TTL: variants seen among roughly 807,000 people sequenced by gnomAD.
TTL encodes tubulin tyrosine ligase.
A neutral mutation model predicts 41.1 loss-of-function variants in TTL; 10 were observed. The observed-to-expected ratio is 0.24, with a 90% CI of 0.15 to 0.41. TTL has a LOEUF of 0.41. Ranked by LOEUF, TTL falls within the 10% of genes least tolerant of loss-of-function variation. The probability of loss-of-function intolerance (pLI) is 1.00; values close to 1 mark genes in which losing one functional copy is unlikely to be tolerated. For synonymous variants in TTL, 175 were observed against 175.5 expected (o/e 1.00, Z 0.02); for missense variants, 367 against 460.4 (o/e 0.80, Z 1.86).
chr2:112,520,527 G>T, intron 6 of TTL, 102 bp downstream of exon 6: 1 of 1,485,314 alleles, frequency 6.7e-7, no homozygotes, highest in East Asian at 2.4e-5. Flanking sequence ...TGTGAGGGAG[G>T]ATGCCACAGT....
chr2:112,515,284 T>C (rs1682036353), intron 5 of TTL, among the ~76,000 whole-genome samples: 1 of 152,172 alleles, frequency 6.6e-6, no homozygotes, highest in African/African-American at 2.4e-5. Flanking sequence ...ATGTTTTTTA[T>C]ATATTAAAGA....
Position 112,482,530 on chromosome 2 carries a change from C to T in TTL, c.157+29C>T. ...AGCCCCTCCCCGATTCCCGTCTGCC[C>T]TCCTCGGAGCGGCCCTGCGCGCCTC... On this transcript the variant is annotated intron_variant, in intron 1 of 6. Coordinates refer to ENST00000233336, the MANE Select transcript of TTL (RefSeq NM_153712.5). This position sits in a 1 kb window ranked among gnomAD's most constrained non-coding sequence, Gnocchi z 5.3. 6.4e-7 allele frequency: 1 copy of T among 1,571,450 alleles called. No individual in the cohort carries two copies. The highest frequency in any genetic ancestry group is 1.7e-4 in the Middle Eastern group (1 of 5,910).
chr2:112,486,463 C>T (rs1005416230), intron 2 of TTL, among the ~76,000 whole-genome samples: 4 of 152,192 alleles, frequency 2.6e-5, no homozygotes, highest in Admixed American at 1.3e-4. Context: ...GGCTTAGCTT[C>T]GCAGGCATTT....
At chr2:112,489,580 A>G (rs1204079663) in intron 2 of TTL, among the ~76,000 whole-genome samples, 1 of 152,226 alleles carries the variant, frequency 6.6e-6, no homozygotes, top group Non-Finnish European at 1.5e-5. Context: ...AAGTAACTCT[A>G]AATTTACCAA....
In TTL at chr2:112,515,763, C is replaced by T. The variant is rs536788077; in HGVS notation, c.876-4519C>T. Among the ~76,000 whole-genome samples the T allele has an allele frequency of 1.3e-3, 202 of 152,114 alleles. 1 individual carries two copies. Among genetic ancestry groups the T allele is most frequent in the Middle Eastern group, 6.8e-3 (2 of 294 alleles). ...GAGATTGAGATCATCCTGGCTAACA[C>T]GGTGAAACCTCGTCTCTACTAAGAA... On this transcript the variant is annotated intron_variant, in intron 5 of 6. Coordinates refer to ENST00000233336, the MANE Select transcript of TTL (RefSeq NM_153712.5).
chr2:112,509,685 C>T (rs894647235), intron 5 of TTL, among the ~76,000 whole-genome samples: 6 of 152,322 alleles, frequency 3.9e-5, no homozygotes, highest in Non-Finnish European at 4.4e-5. Flanking sequence ...GCGCACGGTG[C>T]GCACACACAC....
At chr2:112,503,801 A>G (rs1455525279) in intron 5 of TTL, among the ~76,000 whole-genome samples, 11 of 102,438 alleles carry the variant, frequency 1.1e-4, no homozygotes, top group African/African-American at 3.6e-4. Flanking sequence ...TTATCCGTAA[A>G]CTTCTTTTTT....
intron 2 of TTL, among the ~76,000 whole-genome samples, chr2:112,487,584 G>C (rs889958999): frequency 1.3e-5 from 2 of 152,120 alleles, no homozygotes; most frequent in African/African-American, 4.8e-5. Context: ...GGCTGGAGTC[G>C]TGACCAACTG....
intron 5 of TTL, among the ~76,000 whole-genome samples, chr2:112,511,026 T>C (rs1681906923): frequency 6.6e-6 from 1 of 152,136 alleles, no homozygotes; most frequent in African/African-American, 2.4e-5. Flanking sequence ...TTTTTATTTT[T>C]ATGTTTTTTG....
At chr2:112,512,242 C>A (rs1681940553) in intron 5 of TTL, among the ~76,000 whole-genome samples, 1 of 151,838 alleles carries the variant, frequency 6.6e-6, no homozygotes, top group Non-Finnish European at 1.5e-5. Context: ...CAGGCATGTG[C>A]CACCACGCTC....
rs1682457754 is a variant in TTL at position 112,529,621 on chromosome 2, TTC to T, written c.*828_*829del. 5 of 228,448 alleles carry T rather than the reference TTC, an allele frequency of 2.2e-5. 1 individual carries two copies. The South Asian group carries it at 9.1e-4, about 42-fold the overall frequency. 14.2% of individuals were successfully genotyped at this position (228,448 alleles called of 1,614,324 possible). A position where few individuals can be genotyped will look rare whatever the true frequency, so the allele number is the denominator to read the frequency against. ...CAGTTTTGCCTAGTTCCCTTTTTTT[TTC>T]TTTTTTTACTTTTTTTTAAACGTTT... is the stretch of plus-strand genomic sequence containing the variant. On this transcript the variant is annotated 3_prime_UTR_variant, in exon 7 of 7. Coordinates refer to ENST00000233336, the MANE Select transcript of TTL (RefSeq NM_153712.5).
At chr2:112,498,814 A>G (rs1255502857) in intron 3 of TTL, among the ~76,000 whole-genome samples, 2 of 152,150 alleles carry the variant, frequency 1.3e-5, no homozygotes, top group Non-Finnish European at 2.9e-5. Flanking sequence ...CTGAGGCAGA[A>G]GAATCGCTTG....
At position 112,501,666 on chromosome 2, in the gene TTL, G is replaced by A. The variant is rs1361910996; in HGVS notation, c.605+325G>A. Among the ~76,000 whole-genome samples the A allele has an allele frequency of 3.3e-5, 5 of 151,970 alleles. No homozygotes were observed. In the East Asian group the frequency reaches 5.8e-4, roughly 18 times the overall value. On this transcript the variant is annotated intron_variant, in intron 4 of 6. Transcript: ENST00000233336. ...ATGGATCACCTGAGGTCAGGAGTTC[G>A]AGACCAGCCTGGCCAACATGGTGAA...
chr2:112,491,855 T>G (rs1022573853), intron 2 of TTL, among the ~76,000 whole-genome samples: 1 of 152,208 alleles, frequency 6.6e-6, no homozygotes, highest in African/African-American at 2.4e-5. Context: ...GTGGCATACC[T>G]CCTTTCAGTT....
chr2:112,522,892 G>A (rs989175158), intron 6 of TTL, among the ~76,000 whole-genome samples: 14 of 152,126 alleles, frequency 9.2e-5, no homozygotes, highest in Non-Finnish European at 1.8e-4. Flanking sequence ...GAAGGTTTTG[G>A]CATGGAGCCT....
chr2:112,514,559 T>C (rs1682017427), intron 5 of TTL, among the ~76,000 whole-genome samples: 1 of 152,258 alleles, frequency 6.6e-6, no homozygotes, highest in Non-Finnish European at 1.5e-5. Flanking sequence ...TACCATTGTA[T>C]TCTGGCTTCC....
chr2:112,517,928 C>T (rs187082305), intron 5 of TTL, among the ~76,000 whole-genome samples: 5 of 150,486 alleles, frequency 3.3e-5, no homozygotes, highest in Non-Finnish European at 5.9e-5. Flanking sequence ...CCAGCCTGGG[C>T]GACAGAGTGA....
intron 3 of TTL, 116 bp downstream of exon 3, chr2:112,494,491 C>T (rs1054826934): frequency 3.4e-5 from 27 of 799,192 alleles, no homozygotes; most frequent in East Asian, 1.6e-4. Context: ...TGTCTAGTTA[C>T]ATAGTTATAA....
intron 6 of TTL, among the ~76,000 whole-genome samples, chr2:112,521,863 T>C (rs1479045203): frequency 6.6e-6 from 1 of 152,118 alleles, no homozygotes; most frequent in East Asian, 1.9e-4. Flanking sequence ...GGGCCCACGA[T>C]GGGAAGTGAT....
Sources: allele counts gnomAD v4.1 joint callset (sites outside exome capture counted in the v4.1 genomes callset), GRCh38; gene constraint gnomAD v4.1.1; non-coding constraint Gnocchi (gnomAD v3.1); transcripts MANE v1.5; gene names NCBI Gene and HGNC (gene_info 2026-07-23, HGNC 2026-07-21).